The following INPP4B variants were observed in gnomAD, a reference collection of about 807,000 sequenced individuals.
INPP4B encodes the protein inositol polyphosphate-4-phosphatase type II B, also known as inositol polyphosphate 4-phosphatase type II.
A neutral mutation model predicts 122.5 loss-of-function variants in INPP4B; 55 were observed. The ratio of observed to expected loss-of-function variants is 0.45; its 90% confidence interval spans 0.36 to 0.56. The LOEUF is 0.56. INPP4B is among the 20% of genes least tolerant of loss of function. INPP4B has a pLI of 0.00. For synonymous variants in INPP4B, 403 were observed against 388.7 expected, an observed-to-expected ratio of 1.04 and a Z score of -0.43; for missense variants, 1,000 against 1,097.7, an observed-to-expected ratio of 0.91 and a Z score of 1.26.
chr4:142,623,442 C>A (rs756423145), intron 2 of INPP4B, among the ~76,000 whole-genome samples: 1 of 151,864 alleles, frequency 6.6e-6, no homozygotes, highest in African/African-American at 2.4e-5. Context: ...ACCTTTCTAA[C>A]CTGTCCTTCA....
chr4:142,435,950 C>T (rs1474315787), intron 3 of INPP4B, among the ~76,000 whole-genome samples: 4 of 151,796 alleles, frequency 2.6e-5, no homozygotes, highest in African/African-American at 9.7e-5. Context: ...ACCTTATGAG[C>T]TCCTTGGAGG....
At chr4:142,433,237 G>A (rs1809711493) in intron 3 of INPP4B, among the ~76,000 whole-genome samples, 2 of 152,044 alleles carry the variant, frequency 1.3e-5, no homozygotes. Context: ...TTTACCTATG[G>A]TTATGATAAC....
intron 2 of INPP4B, among the ~76,000 whole-genome samples, chr4:142,589,082 C>A (rs1736865692): frequency 6.6e-6 from 1 of 151,874 alleles, no homozygotes; most frequent in South Asian, 2.1e-4. Flanking sequence ...AAGAAACAGA[C>A]AATTCAGTAG....
Position 142,427,568 on chromosome 4 carries a change from C to A in INPP4B, c.136+1605G>T. 1.0e-5 allele frequency: 5 copies of A among 500,728 alleles called. No homozygotes were observed. The East Asian group carries it at 1.3e-4, about 14-fold the overall frequency. 31.0% of individuals were successfully genotyped at this position (500,728 alleles called of 1,614,324 possible). ...GTTAGGTCTTTGAACAAGATAGATT[C>A]TCTTAATTGCACTAGAAGACAGGTA... On this transcript the variant is annotated intron_variant, in intron 5 of 25. Transcript: ENST00000262992.
At chr4:142,732,799 C>A (rs1766301441) in intron 1 of INPP4B, among the ~76,000 whole-genome samples, 4 of 151,896 alleles carry the variant, frequency 2.6e-5, no homozygotes, top group Admixed American at 2.6e-4. Context: ...ACCAAAATCC[C>A]AGTAGTCTTT....
intron 1 of INPP4B, among the ~76,000 whole-genome samples, chr4:142,837,973 A>G (rs1783009028): frequency 1.3e-5 from 2 of 152,104 alleles, no homozygotes; most frequent in South Asian, 4.1e-4. Flanking sequence ...ATAATAATTC[A>G]TAGGCCTATT....
chr4:142,650,685 T>G (rs918695942), intron 2 of INPP4B, among the ~76,000 whole-genome samples: 1 of 152,066 alleles, frequency 6.6e-6, no homozygotes, highest in Non-Finnish European at 1.5e-5. Flanking sequence ...CCTAAATATA[T>G]ATGCACCCAA....
chr4:142,623,471 C>T (rs1364315922), intron 2 of INPP4B, among the ~76,000 whole-genome samples: 2 of 151,900 alleles, frequency 1.3e-5, no homozygotes, highest in African/African-American at 4.8e-5. Context: ...CACAGTCACT[C>T]TCCTAAAACA....
chr4:142,255,565 T>G (rs1735399599), intron 11 of INPP4B, among the ~76,000 whole-genome samples: 1 of 152,070 alleles, frequency 6.6e-6, no homozygotes, highest in Non-Finnish European at 1.5e-5. Context: ...TAGTTTCTGA[T>G]AAAACAGACT....
intron 2 of INPP4B, among the ~76,000 whole-genome samples, chr4:142,641,466 G>A (rs541915780): frequency 2.8e-5 from 4 of 145,314 alleles, no homozygotes; most frequent in African/African-American, 7.7e-5. Flanking sequence ...TTCCTTTCCT[G>A]TGTCCAAGTG....
chr4:142,771,832 T>C (rs942559360), intron 1 of INPP4B, among the ~76,000 whole-genome samples: 1 of 152,092 alleles, frequency 6.6e-6, no homozygotes, highest in Admixed American at 6.5e-5. Context: ...TTTTTTCACA[T>C]CACACATCAT....
At position 142,245,837 on chromosome 4, in the gene INPP4B, TATATATGTGTATGTATAC is replaced by T. The variant is rs1165275446; in HGVS notation, c.689-7844_689-7827del. ...GTATACATATATGTGTATGTATACA[TATATATGTGTATGTATAC>T]ATATATGTGTATGTATACATATATA... On this transcript the variant is annotated intron_variant, in intron 11 of 25. Coordinates refer to ENST00000262992, the MANE Select transcript of INPP4B (RefSeq NM_001101669.3). Among the ~76,000 whole-genome samples the T allele has an allele frequency of 5.4e-4, 53 of 98,900 alleles. 2 individuals are homozygous for T. Among genetic ancestry groups the T allele is most frequent in the African/African-American group, 1.8e-3 (46 of 25,138 alleles). The allele number at this position is 98,900 out of a possible 152,430, so 64.9% of individuals were successfully genotyped here.
intron 14 of INPP4B, among the ~76,000 whole-genome samples, chr4:142,198,309 T>C (rs1425206592): frequency 2.0e-5 from 3 of 152,040 alleles, no homozygotes; most frequent in Non-Finnish European, 4.4e-5. Flanking sequence ...ATGTAATTCT[T>C]ATTTATCAAA....
intron 1 of INPP4B, among the ~76,000 whole-genome samples, chr4:142,824,757 T>C (rs1410188625): frequency 6.6e-6 from 1 of 152,020 alleles, no homozygotes; most frequent in African/African-American, 2.4e-5. Flanking sequence ...AATGTTATTC[T>C]ACTTTATAGA....
chr4:142,816,755 TC>T (rs1780166371), intron 1 of INPP4B, among the ~76,000 whole-genome samples: 1 of 152,148 alleles, frequency 6.6e-6, no homozygotes, highest in Non-Finnish European at 1.5e-5. Context: ...CGTTATTTTT[TC>T]TTAATAGTAT....
At chr4:142,308,328 G>A (rs1255135981) in intron 8 of INPP4B, among the ~76,000 whole-genome samples, 1 of 152,184 alleles carries the variant, frequency 6.6e-6, no homozygotes, top group African/African-American at 2.4e-5. Flanking sequence ...CAGACAAGAG[G>A]AGTTATTATT....
At chr4:142,231,663 C>G (rs1291519390) in intron 12 of INPP4B, among the ~76,000 whole-genome samples, 2 of 152,068 alleles carry the variant, frequency 1.3e-5, no homozygotes, top group Non-Finnish European at 2.9e-5. Flanking sequence ...AAATTGATAT[C>G]AATCATAGCA....
At chr4:142,765,499 C>T (rs1287642405) in intron 1 of INPP4B, among the ~76,000 whole-genome samples, 1 of 152,120 alleles carries the variant, frequency 6.6e-6, no homozygotes, top group East Asian at 1.9e-4. Flanking sequence ...AATGGAAAAT[C>T]AGTAGACAGG....
At chr4:142,648,949 C>T (rs1043116401) in intron 2 of INPP4B, among the ~76,000 whole-genome samples, 4 of 152,118 alleles carry the variant, frequency 2.6e-5, no homozygotes, top group East Asian at 3.9e-4. Flanking sequence ...CAGTAGGGGC[C>T]GACAGACACC....
Sources: allele counts gnomAD v4.1 joint callset (sites outside exome capture counted in the v4.1 genomes callset), GRCh38; gene constraint gnomAD v4.1.1; transcripts MANE v1.5; gene names NCBI Gene and HGNC (gene_info 2026-07-23, HGNC 2026-07-21).